RFTN1: variants seen among roughly 807,000 people sequenced by gnomAD.
RFTN1 encodes the protein raftlin, lipid raft linker 1.
A neutral mutation model predicts 46.5 loss-of-function variants in RFTN1; 26 were observed. The ratio of observed to expected loss-of-function variants is 0.56; its 90% confidence interval spans 0.41 to 0.78. The LOEUF is 0.78. Ranked by LOEUF, RFTN1 falls within the 30% of genes least tolerant of loss-of-function variation. The pLI, the probability that RFTN1 is intolerant of heterozygous loss-of-function variation, is 0.00. For synonymous variants in RFTN1, 261 were observed against 284.2 expected (o/e 0.92, Z 0.82); for missense variants, 693 against 718.7 (o/e 0.96, Z 0.41).
chr3:16,505,254 A>C (rs894857937), intron 1 of RFTN1, among the ~76,000 whole-genome samples: 2 of 151,904 alleles, frequency 1.3e-5, no homozygotes, highest in African/African-American at 4.8e-5. Context: ...CCTACCTCCC[A>C]TTGTTTCCTT....
chr3:16,364,807 A>G (rs1223751643), intron 6 of RFTN1, among the ~76,000 whole-genome samples: 1 of 152,270 alleles, frequency 6.6e-6, no homozygotes, highest in Non-Finnish European at 1.5e-5. Context: ...TGACAAGTAT[A>G]TAAAGTCTGT....
Position 16,341,829 on chromosome 3 carries a change from C to T in RFTN1, c.1147-14953G>A, listed in dbSNP as rs1379781661. Among the ~76,000 whole-genome samples the T allele has an allele frequency of 6.6e-6, 1 of 151,954 alleles. No homozygotes were observed. The highest frequency in any genetic ancestry group is 1.5e-5 in the Non-Finnish European group (1 of 68,004). ...AACATTTTCAGCATACAGTTACATA[C>T]AAAAATGTATAACAGTTTGAAGAGT... On this transcript the variant is annotated intron_variant, in intron 7 of 9. Coordinates refer to ENST00000334133, the MANE Select transcript of RFTN1 (RefSeq NM_015150.2). The surrounding 1 kb of genome is among the most constrained non-coding windows in gnomAD (Gnocchi z 4.7).
chr3:16,495,274 G>A (rs1204950381), intron 1 of RFTN1, among the ~76,000 whole-genome samples: 1 of 152,258 alleles, frequency 6.6e-6, no homozygotes, highest in Non-Finnish European at 1.5e-5. Context: ...CTGCTGAAAA[G>A]CAAGCCGGCT....
chr3:16,469,631 G>C (rs79858553), intron 2 of RFTN1, among the ~76,000 whole-genome samples: 5,076 of 152,316 alleles, frequency 0.033, 172 homozygotes, highest in East Asian at 0.12. Context: ...CAGAGGGAAG[G>C]GGGGAAGAGA....
rs149546960 is a variant in RFTN1, at chr3:16,317,065, C to T, written c.1500G>A (p.Gln500=). ...DMGNCVSGQQ[Q]EGGVSEEMKG... is the part of the protein sequence containing the mutation. Reference sequence around the variant, plus strand: ...TCATCTCCTCGGAGACTCCACCCTCCTGCTGCTGTCCTGAAACACAGTTTC... The same window carrying T: ...TCATCTCCTCGGAGACTCCACCCTCTTGCTGCTGTCCTGAAACACAGTTTC... The change falls in exon 10 of 10, where the codon CAG becomes CAA. Residue 500 remains glutamine, a synonymous_variant. Transcript: ENST00000334133. The surrounding 1 kb of genome is among the most constrained non-coding windows in gnomAD (Gnocchi z 4.3). 17 of 1,613,942 alleles carry T rather than the reference C, an allele frequency of 1.1e-5. 1 individual carries two copies. Among genetic ancestry groups the T allele is most frequent in the African/African-American group, 9.3e-5 (7 of 74,954 alleles).
chr3:16,506,398 A>G lies in RFTN1; in HGVS notation c.-9+7044T>C, dbSNP rs2076807053. On this transcript the variant is annotated intron_variant, in intron 1 of 9. Transcript: ENST00000334133. This position sits in a 1 kb window ranked among gnomAD's most constrained non-coding sequence, Gnocchi z 4.8. Reference sequence around the variant, plus strand: ...CCCTGACTGAGTTGGAAGCCTCTGGAAGGTTTCGAGCTGAAAGAAGACATC... The same window carrying G: ...CCCTGACTGAGTTGGAAGCCTCTGGGAGGTTTCGAGCTGAAAGAAGACATC... Among the ~76,000 whole-genome samples, 1 of 152,122 alleles carries G rather than the reference A, an allele frequency of 6.6e-6. No homozygotes were observed. The highest frequency in any genetic ancestry group is 2.4e-5 in the African/African-American group (1 of 41,428).
rs960554428 is a variant in RFTN1 at position 16,322,725 on chromosome 3, C to G, written c.1332+651G>C. Among the ~76,000 whole-genome samples the G allele has an allele frequency of 3.3e-5, 5 of 152,302 alleles. No homozygotes were observed. The highest frequency in any genetic ancestry group is 4.1e-4 in the South Asian group (2 of 4,822). ...CCTTGTGCTCAACCTTCAGGAATCA[C>G]AGAGAAGACTCTCTGAGAAGGCCAG... On this transcript the variant is annotated intron_variant, in intron 9 of 9. Coordinates refer to ENST00000334133, the MANE Select transcript of RFTN1 (RefSeq NM_015150.2). This position sits in a 1 kb window ranked among gnomAD's most constrained non-coding sequence, Gnocchi z 6.2.
At chr3:16,386,055 G>A (rs983326645) in intron 4 of RFTN1, among the ~76,000 whole-genome samples, 11 of 152,234 alleles carry the variant, frequency 7.2e-5, no homozygotes, top group African/African-American at 2.7e-4. Flanking sequence ...CATTTAAAGA[G>A]ACTTTCGTCA....
rs1337893313 is a variant in RFTN1, at chr3:16,452,391, TC to T, written c.146-18355del. On this transcript the variant is annotated intron_variant, in intron 2 of 9. Coordinates refer to ENST00000334133, the MANE Select transcript of RFTN1 (RefSeq NM_015150.2). This position sits in a 1 kb window ranked among gnomAD's most constrained non-coding sequence, Gnocchi z 6.3. The stretch of plus-strand genomic sequence containing the variant: ...GATACCTTTGTAAACATCTAAAGTC[TC>T]CCTCCATCTTCACAATGTTGATTGA... 6.6e-6 allele frequency among the ~76,000 whole-genome samples: 1 copy of T among 152,132 alleles called. No individual in the cohort carries two copies. The highest frequency in any genetic ancestry group is 1.5e-5 in the Non-Finnish European group (1 of 68,014).
chr3:16,396,272 T>C (rs900522658), intron 4 of RFTN1, among the ~76,000 whole-genome samples: 54 of 152,296 alleles, frequency 3.5e-4, no homozygotes, highest in African/African-American at 1.3e-3. Flanking sequence ...GTGCATCTTT[T>C]TTTAAATTTT....
In RFTN1 at chr3:16,341,254, T is replaced by TA. The variant is rs908885680; in HGVS notation, c.1147-14379dup. Among the ~76,000 whole-genome samples, 2 of 152,222 alleles carry TA rather than the reference T, an allele frequency of 1.3e-5. No individual in the cohort carries two copies. The highest frequency in any genetic ancestry group is 4.8e-5 in the African/African-American group (2 of 41,454). ...TACAGAAGACAGTTTGGCAGTTTCT[T>TA]ACAAAACTAGACATACTTTACAATA... On this transcript the variant is annotated intron_variant, in intron 7 of 9. Transcript: ENST00000334133. The surrounding 1 kb of genome is among the most constrained non-coding windows in gnomAD (Gnocchi z 4.7).
chr3:16,467,698 G>A lies in RFTN1; in HGVS notation c.145+26027C>T, dbSNP rs571260926. On this transcript the variant is annotated intron_variant, in intron 2 of 9. Coordinates refer to ENST00000334133, the MANE Select transcript of RFTN1 (RefSeq NM_015150.2). ...GAAACCAGAGATGCAAAAAGCCAAC[G>A]GCAGTTCATGCACATCAAAAGCTTC... Among the ~76,000 whole-genome samples the A allele has an allele frequency of 1.1e-4, 16 of 152,300 alleles. No individual in the cohort carries two copies. In the South Asian group the frequency reaches 1.5e-3, roughly 14 times the overall value.
In RFTN1 at chr3:16,334,160, G is replaced by A. The variant is rs2125258241; in HGVS notation, c.1147-7284C>T. Among the ~76,000 whole-genome samples the A allele has an allele frequency of 6.6e-6, 1 of 152,216 alleles. No individual in the cohort carries two copies. The highest frequency in any genetic ancestry group is 6.5e-5 in the Admixed American group (1 of 15,292). On this transcript the variant is annotated intron_variant, in intron 7 of 9. Transcript: ENST00000334133. The surrounding 1 kb of genome is among the most constrained non-coding windows in gnomAD (Gnocchi z 4.3). ...AGCCTGGGCGACAGAGCAAGACTCT[G>A]TCTCAAAACAAAAACAAAAACAAAA...
Position 16,345,264 on chromosome 3 carries a change from T to TTTGTGTG in RFTN1, c.1146+12667_1146+12668insCACACAA, listed in dbSNP as rs1491581919. ...AAACTGTAAGATAATAAGTAGGTGG[T>TTTGTGTG]TGTGTGTGTGTGTGTGTGTGTGTGT... On this transcript the variant is annotated intron_variant, in intron 7 of 9. Transcript: ENST00000334133. This position sits in a 1 kb window ranked among gnomAD's most constrained non-coding sequence, Gnocchi z 5.2. The TTTGTGTG allele has an allele frequency of 3.4e-5, 5 of 145,836 alleles. No homozygotes were observed. The highest frequency in any genetic ancestry group is 7.9e-5 in the African/African-American group (3 of 37,754). 9.0% of individuals were successfully genotyped at this position (145,836 alleles called of 1,614,324 possible).
At position 16,370,233 on chromosome 3, in the gene RFTN1, C is replaced by G; in HGVS notation, c.873G>C (p.Lys291Asn). Residue 291 changes from lysine (K) to asparagine (N), a missense_variant, in exon 6 of 10, where the codon AAG becomes AAC. Physicochemically the swap from Lys to Asn is moderately conservative, Grantham distance 94. Transcript: ENST00000334133. The surrounding 1 kb of genome is among the most constrained non-coding windows in gnomAD (Gnocchi z 5.5). ...TLFNKPKSHQ[K>N]CRQYYPVTIP... Reference sequence around the variant, plus strand: ...TGGTGACAGGGTAGTATTGCCGGCACTTCTGATGGCTCTTCGGTTTGTTGA... The same window carrying G: ...TGGTGACAGGGTAGTATTGCCGGCAGTTCTGATGGCTCTTCGGTTTGTTGA... 1 of 1,614,192 alleles carries G rather than the reference C, an allele frequency of 6.2e-7. No homozygotes were observed. Among genetic ancestry groups the G allele is most frequent in the Non-Finnish European group, 8.5e-7 (1 of 1,180,040 alleles).
chr3:16,399,498 C>T (rs1385602299), intron 4 of RFTN1, among the ~76,000 whole-genome samples: 2 of 152,186 alleles, frequency 1.3e-5, no homozygotes, highest in East Asian at 3.9e-4. Flanking sequence ...ATAACTCCTC[C>T]ATCGCTGAAA....
chr3:16,356,419 C>G lies in RFTN1; in HGVS notation c.1146+1513G>C, dbSNP rs1032719285. 9.2e-5 allele frequency among the ~76,000 whole-genome samples: 14 copies of G among 152,332 alleles called. 2 individuals carry two copies. Among genetic ancestry groups the G allele is most frequent in the Admixed American group, 2.0e-4 (3 of 15,310 alleles). ...TTTCCAACTCCTGCTTCTGACGACT[C>G]CAGTTCCTTTGGGTACTCCATTGCT... On this transcript the variant is annotated intron_variant, in intron 7 of 9. Transcript: ENST00000334133. The surrounding 1 kb of genome is among the most constrained non-coding windows in gnomAD (Gnocchi z 4.9).
At chr3:16,355,050 C>CT in intron 7 of RFTN1, among the ~76,000 whole-genome samples, 2 of 152,296 alleles carry the variant, frequency 1.3e-5, no homozygotes, top group South Asian at 4.1e-4. Context: ...TATGAACATT[C>CT]TGATCATGAC....
At chr3:16,461,278 G>A (rs1575325153) in intron 2 of RFTN1, among the ~76,000 whole-genome samples, 1 of 152,086 alleles carries the variant, frequency 6.6e-6, no homozygotes, top group African/African-American at 2.4e-5. Context: ...TCTCACAAAG[G>A]AGCTGATCTC....
Sources: gnomAD v4.1 joint callset for allele counts (sites outside exome capture counted in the v4.1 genomes callset) on GRCh38, gnomAD v4.1.1 for gene constraint, Gnocchi (gnomAD v3.1) non-coding constraint, MANE v1.5 for transcripts, NCBI Gene and HGNC (gene_info 2026-07-23, HGNC 2026-07-21) for gene names.